Variants in GOSR1 observed in about 807,000 individuals in gnomAD.
GOSR1 encodes the protein 28 kDa Golgi SNARE protein.
Under a neutral mutation model 35.5 loss-of-function variants are expected in GOSR1, and 21 were observed. The observed-to-expected ratio is 0.59, with a 90% CI of 0.42 to 0.85. The LOEUF is 0.85. GOSR1 is among the 40% of genes least tolerant of loss of function. The probability of loss-of-function intolerance (pLI) is 0.00; values close to 1 mark genes in which losing one functional copy is unlikely to be tolerated. For missense variants in GOSR1, 285 were observed against 309.6 expected, an observed-to-expected ratio of 0.92 and a Z score of 0.60; for synonymous variants, 94 against 106.6, an observed-to-expected ratio of 0.88 and a Z score of 0.73.
At chr17:30,496,302 C>A (rs1966996801) in intron 6 of GOSR1, among the ~76,000 whole-genome samples, 1 of 152,188 alleles carries the variant, frequency 6.6e-6, no homozygotes, top group Admixed American at 6.5e-5. Flanking sequence ...CCATTGACTT[C>A]TTCCCTCACA....
Position 30,523,766 on chromosome 17 carries a change from G to A in GOSR1, c.*1388G>A, listed in dbSNP as rs186807079. ...CCATGATGACAATGGCGGTTTTGTG[G>A]AATAGAAAAGGCGGAAAGGTGGGGA... is the stretch of plus-strand genomic sequence containing the variant. On this transcript the variant is annotated 3_prime_UTR_variant, in exon 9 of 9. Transcript: ENST00000451249. 3.3e-3 allele frequency: 670 copies of A among 205,966 alleles called. 28 individuals are homozygous for A. The highest frequency in any genetic ancestry group is 0.015 in the African/African-American group (646 of 41,794). 12.8% of individuals were successfully genotyped at this position (205,966 alleles called of 1,614,324 possible).
intron 1 of GOSR1, chr17:30,477,911 A>C (rs980918946): frequency 1.0e-6 from 1 of 983,110 alleles, no homozygotes; most frequent in African/African-American, 1.8e-5. Context: ...GAGAAGGAGG[A>C]ACTTGCATTC....
chr17:30,505,410 AAAT>A (rs1274527914), intron 6 of GOSR1, among the ~76,000 whole-genome samples: 2 of 152,178 alleles, frequency 1.3e-5, no homozygotes, highest in Non-Finnish European at 2.9e-5. Context: ...CAAAGAAAAA[AAAT>A]AATAATACAA....
chr17:30,489,016 G>C (rs1221480583), intron 4 of GOSR1, among the ~76,000 whole-genome samples: 1 of 152,194 alleles, frequency 6.6e-6, no homozygotes, highest in Non-Finnish European at 1.5e-5. Context: ...CAAAAAGCAA[G>C]GTGTACATCA....
chr17:30,506,369 A>G (rs1967403485), intron 6 of GOSR1, among the ~76,000 whole-genome samples: 1 of 152,198 alleles, frequency 6.6e-6, no homozygotes, highest in Non-Finnish European at 1.5e-5. Flanking sequence ...AAGCAAAACA[A>G]CCCTATTGCT....
intron 1 of GOSR1, chr17:30,477,896 G>C (rs1422168258): frequency 1.4e-5 from 14 of 985,044 alleles, no homozygotes; most frequent in African/African-American, 3.5e-5. Context: ...AACTGAGTGG[G>C]AAAAGAGAAG....
chr17:30,512,532 A>C (rs1319029023), intron 7 of GOSR1, among the ~76,000 whole-genome samples: 5 of 152,132 alleles, frequency 3.3e-5, no homozygotes, highest in Non-Finnish European at 5.9e-5. Context: ...GGATTGGAAT[A>C]TTTTCCATCA....
intron 6 of GOSR1, among the ~76,000 whole-genome samples, chr17:30,501,037 C>T (rs575420641): frequency 1.6e-4 from 24 of 152,022 alleles, no homozygotes; most frequent in Admixed American, 3.3e-4. Context: ...CCTGCCACGA[C>T]GCCCGGCTAA....
intron 4 of GOSR1, chr17:30,485,154 A>G (rs1248461033): frequency 2.7e-5 from 8 of 293,732 alleles, no homozygotes; most frequent in East Asian, 1.6e-4. Context: ...TATTTACTAT[A>G]CTTAGTATAT....
intron 6 of GOSR1, among the ~76,000 whole-genome samples, chr17:30,494,546 A>G (rs183876922): frequency 6.6e-6 from 1 of 152,072 alleles, no homozygotes; most frequent in African/African-American, 2.4e-5. Flanking sequence ...TTCTTGAAAA[A>G]GTATCTAGTT....
At chr17:30,488,090 A>G (rs1187319726) in intron 4 of GOSR1, among the ~76,000 whole-genome samples, 2 of 112,922 alleles carry the variant, frequency 1.8e-5, no homozygotes, top group Non-Finnish European at 1.8e-5. Flanking sequence ...CAATTATTCT[A>G]TTGCTAGTCA....
chr17:30,477,472 C>A lies in GOSR1; in HGVS notation c.31+8C>A. On this transcript the variant is annotated splice_region_variant and intron_variant, in intron 1 of 8. Transcript: ENST00000451249. Reference sequence around the variant, plus strand: ...CCAGCAGTTACTGGGAAGGTGAGGGCGAGAAGGCCTCCGGGTGCGTCCTAC... The same window carrying A: ...CCAGCAGTTACTGGGAAGGTGAGGGAGAGAAGGCCTCCGGGTGCGTCCTAC... 1 of 1,606,672 alleles carries A rather than the reference C, an allele frequency of 6.2e-7. No individual in the cohort carries two copies. Among genetic ancestry groups the A allele is most frequent in the Non-Finnish European group, 8.5e-7 (1 of 1,175,650 alleles).
chr17:30,487,263 A>C (rs527922142), intron 4 of GOSR1, among the ~76,000 whole-genome samples: 3 of 152,314 alleles, frequency 2.0e-5, no homozygotes, highest in Non-Finnish European at 2.9e-5. Flanking sequence ...AATTATTCAG[A>C]GATTTTAAAA....
chr17:30,493,006 T>C (rs79948712), intron 6 of GOSR1, among the ~76,000 whole-genome samples: 8 of 151,966 alleles, frequency 5.3e-5, no homozygotes, highest in South Asian at 2.1e-4. Context: ...TTTTTTTTTT[T>C]TCTCTGAGAT....
chr17:30,516,367 G>A (rs550945998), intron 7 of GOSR1, among the ~76,000 whole-genome samples: 95 of 151,900 alleles, frequency 6.3e-4, no homozygotes, highest in African/African-American at 2.0e-3. Context: ...CTACTCAGGA[G>A]GCTGAGGCAG....
intron 8 of GOSR1, among the ~76,000 whole-genome samples, chr17:30,521,594 A>G (rs1022291604): frequency 2.7e-4 from 41 of 152,004 alleles, no homozygotes; most frequent in African/African-American, 9.9e-4. Context: ...TGTTCAAAAA[A>G]AAAAAAAATC....
Position 30,484,742 on chromosome 17 carries a change from C to T in GOSR1, c.314C>T (p.Thr105Ile), listed in dbSNP as rs1267033953. The stretch of plus-strand genomic sequence containing the variant: ...TCCTTGAATGCAGCCCTGATGCATA[C>T]ATTACAGCGGCATAGAGACATATTG... ...VPSLNAALMH[T>I]LQRHRDILQD... is the part of the protein sequence containing the mutation. Residue 105 changes from threonine to isoleucine, a missense_variant, in exon 4 of 9, where the codon ACA becomes ATA. Coordinates refer to ENST00000451249, the MANE Select transcript of GOSR1 (RefSeq NM_001007025.2). 8 of 1,588,206 alleles carry T rather than the reference C, an allele frequency of 5.0e-6. No individual in the cohort carries two copies. The highest frequency in any genetic ancestry group is 6.9e-6 in the Non-Finnish European group (8 of 1,157,216).
intron 4 of GOSR1, among the ~76,000 whole-genome samples, chr17:30,488,981 A>C (rs1914857618): frequency 1.3e-5 from 2 of 152,264 alleles, no homozygotes; most frequent in African/African-American, 4.8e-5. Context: ...TAATATGGAA[A>C]GATTGCTTGA....
At chr17:30,492,886 C>T (rs932570702) in intron 6 of GOSR1, 133 bp downstream of exon 6, 9 of 590,698 alleles carry the variant, frequency 1.5e-5, no homozygotes, top group African/African-American at 1.5e-4. Context: ...CTCCTAATGA[C>T]TCTTTTCAAT....
Sources: gnomAD v4.1 joint callset for allele counts (sites outside exome capture counted in the v4.1 genomes callset) on GRCh38, gnomAD v4.1.1 for gene constraint, MANE v1.5 for transcripts, NCBI Gene and HGNC (gene_info 2026-07-23, HGNC 2026-07-21) for gene names.